Variants in ADAMTS6 observed in about 807,000 individuals in gnomAD.
ADAMTS6 encodes the protein A disintegrin and metalloproteinase with thrombospondin motifs 6.
ADAMTS6 carries 23 observed loss-of-function variants against 144.3 expected under a neutral mutation model. The ratio of observed to expected loss-of-function variants is 0.16; its 90% CI spans 0.11 to 0.23. The LOEUF (loss-of-function observed/expected upper bound fraction) is 0.23. ADAMTS6 is among the 10% of genes least tolerant of loss of function. ADAMTS6 has a pLI of 1.00. For synonymous variants in ADAMTS6, 444 were observed against 457.5 expected, an observed-to-expected ratio of 0.97 and a Z score of 0.38; for missense variants, 999 against 1,379.6, an observed-to-expected ratio of 0.72 and a Z score of 4.37.
intron 18 of ADAMTS6, 72 bp from the exon 19 acceptor site, chr5:65,215,559 C>A: frequency 1.5e-6 from 2 of 1,345,354 alleles, no homozygotes; most frequent in Non-Finnish European, 2.1e-6. Context: ...TTAATTACTG[C>A]AATAAAGTAT....
At chr5:65,219,148 C>T (rs1757132679) in intron 18 of ADAMTS6, among the ~76,000 whole-genome samples, 1 of 152,154 alleles carries the variant, frequency 6.6e-6, no homozygotes, top group Non-Finnish European at 1.5e-5. Context: ...TTGATAATTA[C>T]ATTAAATATA....
At chr5:65,469,621 T>C (rs1760281702) in intron 3 of ADAMTS6, among the ~76,000 whole-genome samples, 2 of 152,322 alleles carry the variant, frequency 1.3e-5, no homozygotes, top group African/African-American at 4.8e-5. Context: ...TAAGCCTAAA[T>C]CTTACAAGCT....
chr5:65,191,705 A>C (rs1010655650), intron 21 of ADAMTS6, among the ~76,000 whole-genome samples: 8 of 151,990 alleles, frequency 5.3e-5, no homozygotes, highest in African/African-American at 1.4e-4. Flanking sequence ...AATAAAAAGA[A>C]TTTTTTTTCA....
chr5:65,422,966 A>G (rs10068711), intron 7 of ADAMTS6, among the ~76,000 whole-genome samples: 2,290 of 152,282 alleles, frequency 0.015, 57 homozygotes, highest in African/African-American at 0.053. Flanking sequence ...ACACACACAC[A>G]CGCTGGAATA....
chr5:65,294,222 C>A (rs1274931083), intron 10 of ADAMTS6, among the ~76,000 whole-genome samples: 1 of 152,032 alleles, frequency 6.6e-6, no homozygotes, highest in Non-Finnish European at 1.5e-5. Context: ...TGTTTTAATT[C>A]TTTTGTTTTT....
intron 7 of ADAMTS6, among the ~76,000 whole-genome samples, chr5:65,433,326 T>C (rs763569569): frequency 2.0e-5 from 3 of 152,100 alleles, no homozygotes; most frequent in Non-Finnish European, 4.4e-5. Flanking sequence ...ACCTCACACA[T>C]CATGTCATAA....
chr5:65,173,107 A>ATATGTGTATATTC, intron 22 of ADAMTS6, 99 bp from the exon 23 acceptor site: 1 of 1,137,974 alleles, frequency 8.8e-7, no homozygotes, highest in Non-Finnish European at 1.2e-6. Context: ...TTAGTATAGA[A>ATATGTGTATATTC]TATACACATA....
intron 20 of ADAMTS6, chr5:65,210,680 G>A: frequency 3.2e-6 from 2 of 633,338 alleles, no homozygotes; most frequent in East Asian, 3.3e-5. Flanking sequence ...GATTCTGAAA[G>A]CAAATAATTT....
In ADAMTS6 at chr5:65,252,124, C is replaced by T. The variant is rs548674427; in HGVS notation, c.1830+8476G>A. ...TCCTATAAGCCTTGTATGTTTCAAT[C>T]TGATTCACCAGTGTAGGGATCCACA... On this transcript the variant is annotated intron_variant, in intron 14 of 24. Coordinates refer to ENST00000381055, the MANE Select transcript of ADAMTS6 (RefSeq NM_197941.4). Among the ~76,000 whole-genome samples the T allele has an allele frequency of 9.2e-5, 14 of 152,276 alleles. No homozygotes were observed. The South Asian group carries it at 2.3e-3, about 25-fold the overall frequency.
intron 20 of ADAMTS6, among the ~76,000 whole-genome samples, chr5:65,205,402 T>A (rs1181598135): frequency 6.6e-6 from 1 of 152,222 alleles, no homozygotes; most frequent in Non-Finnish European, 1.5e-5. Context: ...TCTGAAAATG[T>A]AAAGCATTTG....
chr5:65,276,267 T>C (rs1391934430), intron 11 of ADAMTS6, among the ~76,000 whole-genome samples: 4 of 152,160 alleles, frequency 2.6e-5, no homozygotes, highest in Non-Finnish European at 2.9e-5. Flanking sequence ...CTTGGTGGGC[T>C]CCTGGGGATT....
intron 14 of ADAMTS6, chr5:65,251,291 T>A (rs115490906): frequency 6.6e-6 from 1 of 152,252 alleles, no homozygotes; most frequent in Non-Finnish European, 1.5e-5. Context: ...TTTATCTCTA[T>A]GTGCAAAAAC....
intron 7 of ADAMTS6, among the ~76,000 whole-genome samples, chr5:65,411,935 T>C (rs1755092026): frequency 6.6e-6 from 1 of 152,168 alleles, no homozygotes; most frequent in Non-Finnish European, 1.5e-5. Flanking sequence ...ACCAAGTCAA[T>C]TAGTCCCACT....
intron 7 of ADAMTS6, among the ~76,000 whole-genome samples, chr5:65,384,449 A>T (rs545633351): frequency 4.6e-5 from 7 of 152,250 alleles, no homozygotes; most frequent in African/African-American, 1.7e-4. Flanking sequence ...TTCACAAAGC[A>T]GCAGAACACA....
chr5:65,410,715 C>G (rs1017201179), intron 7 of ADAMTS6, among the ~76,000 whole-genome samples: 2 of 152,146 alleles, frequency 1.3e-5, no homozygotes, highest in South Asian at 2.1e-4. Context: ...ATTTTACTCT[C>G]TATTTCTATG....
chr5:65,329,247 A>T (rs995690464), intron 9 of ADAMTS6, 131 bp downstream of exon 9: 13 of 736,826 alleles, frequency 1.8e-5, no homozygotes, highest in Non-Finnish European at 2.5e-5. Context: ...ACCCACAATA[A>T]TAACATCATC....
At chr5:65,261,481 T>C (rs1206726787) in intron 13 of ADAMTS6, among the ~76,000 whole-genome samples, 1 of 152,032 alleles carries the variant, frequency 6.6e-6, no homozygotes, top group African/African-American at 2.4e-5. Flanking sequence ...CTTTGATTAA[T>C]TTATAGCAGC....
chr5:65,442,434 G>C (rs568490464), intron 7 of ADAMTS6, among the ~76,000 whole-genome samples: 39 of 152,154 alleles, frequency 2.6e-4, no homozygotes, highest in Non-Finnish European at 5.9e-5. Context: ...AAAACTCCTA[G>C]TGCAGATGGC....
Position 65,384,798 on chromosome 5 carries a change from T to A in ADAMTS6, c.1074-50713A>T, listed in dbSNP as rs181931429. ...TATACGGCAACACCCCACTTCTTGA[T>A]ACCATTATCTGTTTCAGTCCATTAA... On this transcript the variant is annotated intron_variant, in intron 7 of 24. Coordinates refer to ENST00000381055, the MANE Select transcript of ADAMTS6 (RefSeq NM_197941.4). Among the ~76,000 whole-genome samples, 53 of 152,356 alleles carry A rather than the reference T, an allele frequency of 3.5e-4. 3 individuals carry two copies. In the East Asian group the frequency reaches 9.3e-3, roughly 27 times the overall value.
Sources: allele counts gnomAD v4.1 joint callset (sites outside exome capture counted in the v4.1 genomes callset), GRCh38; gene constraint gnomAD v4.1.1; transcripts MANE v1.5; gene names NCBI Gene and HGNC (gene_info 2026-07-23, HGNC 2026-07-21).